The following JAKMIP3 variants were observed in gnomAD, a reference collection of about 807,000 sequenced individuals.
JAKMIP3 encodes janus kinase and microtubule-interacting protein 3.
A neutral mutation model predicts 118.5 loss-of-function variants in JAKMIP3; 58 were observed. The ratio of observed to expected loss-of-function variants is 0.49; its 90% CI spans 0.40 to 0.61. The LOEUF (loss-of-function observed/expected upper bound fraction) is 0.61, where lower values mean the gene tolerates loss of function less well. Ranked by LOEUF, JAKMIP3 falls within the 20% of genes least tolerant of loss-of-function variation. JAKMIP3 has a pLI of 0.00. For missense variants in JAKMIP3, 950 were observed against 1,109.0 expected, an observed-to-expected ratio of 0.86 and a Z score of 2.04; for synonymous variants, 486 against 451.2, an observed-to-expected ratio of 1.08 and a Z score of -0.98.
chr10:132,057,759 G>C (rs549023348), intron 1 of JAKMIP3, among the ~76,000 whole-genome samples: 8 of 152,214 alleles, frequency 5.3e-5, no homozygotes, highest in Admixed American at 2.0e-4. Context: ...GCTGGGTCCT[G>C]TGTCAACCCC....
At chr10:132,061,303 C>G (rs556053755), upstream of JAKMIP3, among the ~76,000 whole-genome samples, 1 of 152,324 alleles carries the variant, frequency 6.6e-6, no homozygotes, top group Admixed American at 6.5e-5. Context: ...CACACACACA[C>G]ACGTTAGGCA....
chr10:132,178,424 G>C (rs552173917), intron 23 of JAKMIP3, among the ~76,000 whole-genome samples: 70 of 151,416 alleles, frequency 4.6e-4, no homozygotes, highest in Non-Finnish European at 7.7e-4. Flanking sequence ...CCCCAAATCA[G>C]AGCTTCAAGA....
chr10:132,180,882 CATGTAT>C (rs1405830728), intron 23 of JAKMIP3, among the ~76,000 whole-genome samples: 2 of 151,800 alleles, frequency 1.3e-5, no homozygotes, highest in African/African-American at 4.8e-5. Context: ...TGGGCATGTG[CATGTAT>C]GTGTATGTGT....
At chr10:132,138,066 A>T in intron 8 of JAKMIP3, 53 bp from the exon 9 acceptor site, 1 of 1,540,126 alleles carries the variant, frequency 6.5e-7, no homozygotes, top group Non-Finnish European at 8.9e-7. Flanking sequence ...CGTGGACTGA[A>T]ACCGGTGGAG....
chr10:132,100,378 A>G (rs9419188), intron 1 of JAKMIP3, among the ~76,000 whole-genome samples: 103,030 of 151,952 alleles, frequency 0.68, 35,122 homozygotes, highest in East Asian at 0.87. Flanking sequence ...TGTCTGGGCC[A>G]CCACCAGCTG....
At chr10:132,083,009 G>A (rs968653156) in intron 1 of JAKMIP3, among the ~76,000 whole-genome samples, 3 of 152,258 alleles carry the variant, frequency 2.0e-5, no homozygotes, top group African/African-American at 7.2e-5. Flanking sequence ...GCATGTGCAA[G>A]TATCTTTTTC....
chr10:132,065,728 C>G (rs2038677157), upstream of JAKMIP3, among the ~76,000 whole-genome samples: 1 of 151,208 alleles, frequency 6.6e-6, no homozygotes, highest in South Asian at 2.1e-4. The surrounding 1 kb of genome is among the most constrained non-coding windows in gnomAD (Gnocchi z 5.6). Context: ...GGGCCCCTTC[C>G]CCACCGAGAA....
chr10:132,135,027 G>T lies in JAKMIP3; in HGVS notation c.850-14G>T, dbSNP rs1340047976. On this transcript the variant is annotated splice_polypyrimidine_tract_variant and intron_variant, in intron 4 of 23. Transcript: ENST00000684848. ...TGGGTAGGAACCGTTATTTGCAGTTGATTTTTGTTTTAGGAACAGCAGTTG... is the reference window on the plus strand; with the variant it reads ...TGGGTAGGAACCGTTATTTGCAGTTTATTTTTGTTTTAGGAACAGCAGTTG... The T allele has an allele frequency of 1.2e-6, 2 of 1,611,788 alleles. No individual in the cohort carries two copies. Among genetic ancestry groups the T allele is most frequent in the Non-Finnish European group, 1.7e-6 (2 of 1,177,994 alleles).
upstream of JAKMIP3, among the ~76,000 whole-genome samples, chr10:132,062,930 G>A (rs1195532865): frequency 6.6e-6 from 1 of 152,212 alleles, no homozygotes; most frequent in Non-Finnish European, 1.5e-5. Flanking sequence ...CTGGTGAATG[G>A]CTGTGTCAGG....
rs1011779443 is a variant in JAKMIP3, at chr10:132,167,986, G to A, written c.*56G>A. The A allele has an allele frequency of 7.8e-7, 1 of 1,289,564 alleles. No individual in the cohort carries two copies. The highest frequency in any genetic ancestry group is 1.0e-6 in the Non-Finnish European group (1 of 988,864). The allele number at this position is 1,289,564 out of a possible 1,614,324, so 79.9% of individuals were successfully genotyped here. On this transcript the variant is annotated 3_prime_UTR_variant, in exon 23 of 24. Coordinates refer to ENST00000684848, the MANE Select transcript of JAKMIP3 (RefSeq NM_001323087.2). The stretch of plus-strand genomic sequence containing the variant: ...TGAATCGGACCCTTTTCCTCCAGTG[G>A]GACCAGAAAGCAGGGACAAAATGGG...
upstream of JAKMIP3, among the ~76,000 whole-genome samples, chr10:132,064,594 CCT>C (rs1222029110): frequency 6.6e-6 from 1 of 152,212 alleles, no homozygotes; most frequent in Non-Finnish European, 1.5e-5. The surrounding 1 kb of genome is among the most constrained non-coding windows in gnomAD (Gnocchi z 4.4). Context: ...AGCCTCCTCC[CCT>C]GTGACATAGA....
Position 132,153,812 on chromosome 10 carries a change from T to A in JAKMIP3, c.2127T>A (p.Asp709Glu). ...CGGCGCTGCAGCGGAAGATGGTGGATCTGGAGAGCGAGAAGGTTGGTGGCA... is the reference window on the plus strand; with the variant it reads ...CGGCGCTGCAGCGGAAGATGGTGGAACTGGAGAGCGAGAAGGTTGGTGGCA... ...TEAALQRKMV[D>E]LESEKELFSK... Residue 709 changes from aspartate to glutamate, a missense_variant, in exon 18 of 24, where the codon GAT becomes GAA. Transcript: ENST00000684848. 1 of 1,612,862 alleles carries A rather than the reference T, an allele frequency of 6.2e-7. No homozygotes were observed. The highest frequency in any genetic ancestry group is 8.5e-7 in the Non-Finnish European group (1 of 1,179,792).
At chr10:132,142,341 G>A (rs2053684523) in intron 11 of JAKMIP3, among the ~76,000 whole-genome samples, 1 of 152,194 alleles carries the variant, frequency 6.6e-6, no homozygotes, top group African/African-American at 2.4e-5. Context: ...GGCCCACAGC[G>A]CCCAGGGTGG....
chr10:132,132,830 G>T (rs1482472161), intron 3 of JAKMIP3, among the ~76,000 whole-genome samples: 1 of 152,098 alleles, frequency 6.6e-6, no homozygotes, highest in African/African-American at 2.4e-5. Flanking sequence ...TGGCTTTCAG[G>T]CCAGAATTTC....
upstream of JAKMIP3, among the ~76,000 whole-genome samples, chr10:132,065,249 C>T (rs1302680531): frequency 6.6e-6 from 1 of 151,996 alleles, no homozygotes; most frequent in Non-Finnish European, 1.5e-5. This position sits in a 1 kb window ranked among gnomAD's most constrained non-coding sequence, Gnocchi z 5.6. Flanking sequence ...ACGGCTTTTC[C>T]GGACGGTGAT....
intron 4 of JAKMIP3, 97 bp downstream of exon 4, chr10:132,133,624 AGAGCCC>A: frequency 8.5e-7 from 1 of 1,180,208 alleles, no homozygotes. Flanking sequence ...CCAGGAGACC[AGAGCCC>A]GAGTTGAGGC....
chr10:132,142,192 C>T, intron 11 of JAKMIP3, 144 bp downstream of exon 11: 1 of 900,858 alleles, frequency 1.1e-6, no homozygotes, highest in Non-Finnish European at 1.6e-6. Flanking sequence ...CTGGTGGTGC[C>T]CATGGAAGCC....
In JAKMIP3 at chr10:132,044,063, C is replaced by T. The variant is rs1008887379; in HGVS notation, c.-138+7325C>T. The stretch of plus-strand genomic sequence containing the variant: ...GTAGGCTCTCAGGCAGTTCAGATAC[C>T]GTGTGTGCAGTGGCGCTTGTGGCCC... On this transcript the variant is annotated intron_variant, in intron 1 of 23. Transcript: ENST00000657785. This position sits in a 1 kb window ranked among gnomAD's most constrained non-coding sequence, Gnocchi z 5.3. Among the ~76,000 whole-genome samples, 39 of 152,208 alleles carry T rather than the reference C, an allele frequency of 2.6e-4. No homozygotes were observed. Among genetic ancestry groups the T allele is most frequent in the Non-Finnish European group, 5.0e-4 (34 of 68,036 alleles).
chr10:132,077,012 G>A, intron 1 of JAKMIP3, among the ~76,000 whole-genome samples: 1 of 152,170 alleles, frequency 6.6e-6, no homozygotes, highest in South Asian at 2.1e-4. Flanking sequence ...TACCGCGTGA[G>A]GGCTGGTCTG....
Sources: gnomAD v4.1 joint callset for allele counts (sites outside exome capture counted in the v4.1 genomes callset) on GRCh38, gnomAD v4.1.1 for gene constraint, Gnocchi (gnomAD v3.1) non-coding constraint, MANE v1.5 for transcripts, NCBI Gene and HGNC (gene_info 2026-07-23, HGNC 2026-07-21) for gene names.